The following SYNE1 variants were observed in gnomAD, a reference collection of about 807,000 sequenced individuals.
The protein encoded by SYNE1 is spectrin repeat containing nuclear envelope protein 1.
A neutral mutation model predicts 1,111.0 loss-of-function variants in SYNE1; 616 were observed. The observed-to-expected ratio is 0.55, with a 90% CI of 0.52 to 0.59. SYNE1 has a LOEUF of 0.59. Ranked by LOEUF, SYNE1 falls within the 20% of genes least tolerant of loss-of-function variation. The pLI is 0.00. For missense variants in SYNE1, 10,006 were observed against 10,417.0 expected (o/e 0.96, Z 1.72); for synonymous variants, 3,855 against 3,825.8 (o/e 1.01, Z -0.28).
At position 152,619,137 on chromosome 6, in the gene SYNE1, T is replaced by C. The variant is rs2099669350; in HGVS notation, c.67+9128A>G. On this transcript the variant is annotated intron_variant, in intron 3 of 145. Transcript: ENST00000367255. ...AAAAGAGAATAATAATAACCTGGGA[T>C]GTGAATTGTTTTTCTAAGTTTCTTA... Among the ~76,000 whole-genome samples the C allele has an allele frequency of 1.3e-5, 2 of 152,126 alleles. 1 individual carries two copies. Among genetic ancestry groups the C allele is most frequent in the South Asian group, 4.1e-4 (2 of 4,830 alleles).
Position 152,300,670 on chromosome 6 carries a change from C to G in SYNE1, c.17653G>C (p.Val5885Leu). 2 of 1,614,188 alleles carry G rather than the reference C, an allele frequency of 1.2e-6. No individual in the cohort carries two copies. The highest frequency in any genetic ancestry group is 1.7e-6 in the Non-Finnish European group (2 of 1,180,040). Residue 5885 changes from valine to leucine, a missense_variant, in exon 93 of 146, where the codon GTG becomes CTG. Physicochemically the swap from Val to Leu is conservative, Grantham distance 32. Around this residue, in one of 7 missense-constraint regions of SYNE1, gnomAD observed 4,955 missense variants for 5,017.2 expected, o/e 0.99. Coordinates refer to ENST00000367255, the MANE Select transcript of SYNE1 (RefSeq NM_182961.4). ...SPPACRSPSP[V>L]ANTDASVNQD... Reference sequence around the variant, plus strand: ...TTAACAGAAGCATCTGTATTAGCCACAGGTGAAGGGGAGCGACAGGCAGGT... The same window carrying G: ...TTAACAGAAGCATCTGTATTAGCCAGAGGTGAAGGGGAGCGACAGGCAGGT...
rs546984183 is a variant in SYNE1, at chr6:152,365,133, G to C, written c.9973-114C>G. 1.0e-5 allele frequency: 14 copies of C among 1,348,772 alleles called. No homozygotes were observed. In the African/African-American group the frequency reaches 1.3e-4, roughly 12 times the overall value. The allele number at this position is 1,348,772 out of a possible 1,614,324, so 83.6% of individuals were successfully genotyped here. ...TAATATGCAATTGTGCCCAGCCCTG[G>C]AGCTCCCAGTCGGCTGAGACAGAGG... On this transcript the variant is annotated intron_variant, in intron 62 of 145. Transcript: ENST00000367255.
intron 32 of SYNE1, among the ~76,000 whole-genome samples, chr6:152,436,904 G>A (rs549034004): frequency 6.9e-4 from 105 of 152,162 alleles, no homozygotes; most frequent in African/African-American, 2.4e-3. Context: ...GACGGCTCAT[G>A]CCTTTAACTC....
chr6:152,439,279 C>T (rs959760424), intron 32 of SYNE1, among the ~76,000 whole-genome samples: 1 of 152,160 alleles, frequency 6.6e-6, no homozygotes, highest in Non-Finnish European at 1.5e-5. Context: ...CAAATGGAAT[C>T]ATAGGGGGTC....
intron 40 of SYNE1, among the ~76,000 whole-genome samples, chr6:152,418,944 CT>C (rs956571121): frequency 1.3e-5 from 2 of 152,174 alleles, no homozygotes; most frequent in African/African-American, 4.8e-5. Flanking sequence ...GCCCCAGCCC[CT>C]ATTTCTTTCT....
At chr6:152,516,010 T>C (rs1467899943) in intron 6 of SYNE1, among the ~76,000 whole-genome samples, 2 of 151,974 alleles carry the variant, frequency 1.3e-5, no homozygotes, top group Non-Finnish European at 2.9e-5. Context: ...AGAAAAAAAA[T>C]CCAAATGGAA....
At chr6:152,514,067 T>G (rs2099099315) in intron 6 of SYNE1, among the ~76,000 whole-genome samples, 1 of 152,198 alleles carries the variant, frequency 6.6e-6, no homozygotes, top group African/African-American at 2.4e-5. Context: ...GAAGACAGTG[T>G]GGTGATTCCT....
chr6:152,334,001 C>G lies in SYNE1; in HGVS notation c.12794+7G>C. The G allele has an allele frequency of 6.2e-7, 1 of 1,614,094 alleles. No homozygotes were observed. The highest frequency in any genetic ancestry group is 8.5e-7 in the Non-Finnish European group (1 of 1,179,998). The stretch of plus-strand genomic sequence containing the variant: ...ATTTTGGTGACCCATGGGAGAATTT[C>G]TGTTACCTGGCCAAGTTATCCCATT... On this transcript the variant is annotated splice_region_variant and intron_variant, in intron 77 of 145. Coordinates refer to ENST00000367255, the MANE Select transcript of SYNE1 (RefSeq NM_182961.4).
chr6:152,514,486 G>A (rs2099101335), intron 6 of SYNE1, among the ~76,000 whole-genome samples: 1 of 152,138 alleles, frequency 6.6e-6, no homozygotes, highest in South Asian at 2.1e-4. Context: ...CACGGGGTAG[G>A]GGACTAGGGG....
chr6:152,623,632 G>T (rs1236552870), intron 3 of SYNE1, among the ~76,000 whole-genome samples: 1 of 152,070 alleles, frequency 6.6e-6, no homozygotes, highest in Non-Finnish European at 1.5e-5. Flanking sequence ...ACTGACAAAG[G>T]TCTAATATCC....
At chr6:152,579,708 A>G in intron 3 of SYNE1, among the ~76,000 whole-genome samples, 1 of 152,074 alleles carries the variant, frequency 6.6e-6, no homozygotes, top group South Asian at 2.1e-4. Flanking sequence ...TATCTATGTT[A>G]TTCTCTTCTT....
chr6:152,167,462 TA>T (rs1323702195), intron 130 of SYNE1, among the ~76,000 whole-genome samples: 3 of 152,114 alleles, frequency 2.0e-5, no homozygotes, highest in African/African-American at 7.2e-5. Context: ...AAAAACATAT[TA>T]AAAAAATTCC....
In SYNE1 at chr6:152,395,659, C is replaced by T. The variant is rs2097720619; in HGVS notation, c.7569G>A (p.Gln2523=). The T allele has an allele frequency of 6.2e-7, 1 of 1,614,132 alleles. No homozygotes were observed. ...CASELGSFED[Q]HRKLNLWIHE... ...GGATCCATAAGTTCAGTTTTCTGTG[C>T]TGATCTTCAAAGCTAAGGGAAAGAA... The change falls in exon 51 of 146, where the codon CAG becomes CAA. Residue 2523 remains glutamine (Q), a synonymous_variant. Transcript: ENST00000367255.
chr6:152,393,964 T>C (rs188676167), intron 51 of SYNE1, among the ~76,000 whole-genome samples: 393 of 152,348 alleles, frequency 2.6e-3, no homozygotes, highest in Non-Finnish European at 4.4e-3. Context: ...CTCTTAATGC[T>C]ATCCTTCCCC....
rs567161408 is a variant in SYNE1 at position 152,159,455 on chromosome 6, T to C, written c.23791-3358A>G. Among the ~76,000 whole-genome samples the C allele has an allele frequency of 3.3e-5, 5 of 152,334 alleles. No homozygotes were observed. In the South Asian group the frequency reaches 1.0e-3, roughly 32 times the overall value. ...TTTAAAGTCTTAATTTAAAATTTAA[T>C]TAAAAAGCTATATGTGCATATTTAA... On this transcript the variant is annotated intron_variant, in intron 131 of 145. Coordinates refer to ENST00000367255, the MANE Select transcript of SYNE1 (RefSeq NM_182961.4).
In SYNE1 at chr6:152,510,260, C is replaced by A. The variant is rs1442261295; in HGVS notation, c.514G>T (p.Val172Leu). The A allele has an allele frequency of 1.9e-6, 3 of 1,614,040 alleles. No individual in the cohort carries two copies. Among genetic ancestry groups the A allele is most frequent in the South Asian group, 1.1e-5 (1 of 91,072 alleles). The change falls in exon 8 of 146, where the codon GTG becomes TTG. Residue 172 changes from valine to leucine, a missense_variant. By Grantham distance (32) the Val-to-Leu change is conservative (BLOSUM62 1). Around this residue, in one of 7 missense-constraint regions of SYNE1, gnomAD observed 1,971 missense variants for 2,084.1 expected, o/e 0.95. Transcript: ENST00000367255. ...GCATTTCCTTGGATCTTGGTGGTCACCTTCCGTTTACTTGGTGGGCTGGGA... is the reference window on the plus strand; with the variant it reads ...GCATTTCCTTGGATCTTGGTGGTCAACTTCCGTTTACTTGGTGGGCTGGGA... Reference protein sequence around the residue: ...ETPSPPSKRKVTTKIQGNAKK... With the variant: ...ETPSPPSKRKLTTKIQGNAKK...
At chr6:152,523,823 A>G (rs545470857) in intron 5 of SYNE1, among the ~76,000 whole-genome samples, 3 of 152,204 alleles carry the variant, frequency 2.0e-5, no homozygotes, top group African/African-American at 4.8e-5. Flanking sequence ...AAGGAATTGA[A>G]TTACTGATAC....
chr6:152,188,143 C>T (rs1018143259), intron 128 of SYNE1, among the ~76,000 whole-genome samples: 2 of 152,178 alleles, frequency 1.3e-5, no homozygotes, highest in Non-Finnish European at 2.9e-5. Flanking sequence ...ACGATAGGGA[C>T]ATTTATTACA....
At chr6:152,331,928 G>C (rs1302121572) in intron 77 of SYNE1, 38 bp from the exon 78 acceptor site, 1 of 1,603,918 alleles carries the variant, frequency 6.2e-7, no homozygotes, top group South Asian at 1.1e-5. Flanking sequence ...CAAATTAGCT[G>C]TAGTCAATAT....
Sources: allele counts gnomAD v4.1 joint callset (sites outside exome capture counted in the v4.1 genomes callset), GRCh38; gene constraint gnomAD v4.1.1; regional missense constraint gnomAD v4.1.1; transcripts MANE v1.5; gene names NCBI Gene and HGNC (gene_info 2026-07-23, HGNC 2026-07-21).